The following GPR158 variants were observed in gnomAD, a reference collection of about 807,000 sequenced individuals.
GPR158 encodes metabotropic glycine receptor.
In GPR158, 30 loss-of-function variants were observed where a neutral mutation model predicts 78.2. The observed-to-expected ratio is 0.38, with a 90% confidence interval of 0.29 to 0.52. The LOEUF (loss-of-function observed/expected upper bound fraction) is 0.52, where lower values mean the gene tolerates loss of function less well. GPR158 is among the 20% of genes least tolerant of loss of function. The pLI is 0.83. For synonymous variants in GPR158, 581 were observed against 591.1 expected, an observed-to-expected ratio of 0.98 and a Z score of 0.25; for missense variants, 1,463 against 1,523.5, an observed-to-expected ratio of 0.96 and a Z score of 0.66.
intron 6 of GPR158, among the ~76,000 whole-genome samples, chr10:25,557,904 CA>C (rs1836806088): frequency 6.6e-6 from 1 of 152,092 alleles, no homozygotes; most frequent in African/African-American, 2.4e-5. Flanking sequence ...GAATGTAGTT[CA>C]CTCAGAACTA....
At chr10:25,552,662 G>C (rs775190637) in intron 6 of GPR158, among the ~76,000 whole-genome samples, 3 of 152,194 alleles carry the variant, frequency 2.0e-5, no homozygotes, top group Non-Finnish European at 2.9e-5. Flanking sequence ...CATATGAGTA[G>C]ATGAGTGAAT....
At chr10:25,260,110 GC>G (rs1282037502) in intron 2 of GPR158, among the ~76,000 whole-genome samples, 1 of 151,980 alleles carries the variant, frequency 6.6e-6, no homozygotes, top group African/African-American at 2.4e-5. Flanking sequence ...TATTTTCCCT[GC>G]TTTTTAAAGA....
At chr10:25,179,437 A>G (rs1052774856) in intron 1 of GPR158, among the ~76,000 whole-genome samples, 4 of 152,214 alleles carry the variant, frequency 2.6e-5, no homozygotes, top group Admixed American at 6.5e-5. Flanking sequence ...TCTTACTTAC[A>G]AGATTCAGAC....
chr10:25,197,861 T>G (rs536962585), intron 1 of GPR158, among the ~76,000 whole-genome samples: 3 of 152,178 alleles, frequency 2.0e-5, no homozygotes, highest in Non-Finnish European at 4.4e-5. Flanking sequence ...AGTGACCTCC[T>G]TGCACTGGGT....
intron 1 of GPR158, among the ~76,000 whole-genome samples, chr10:25,185,298 CTATT>C (rs999668291): frequency 1.1e-4 from 16 of 152,186 alleles, no homozygotes; most frequent in Admixed American, 7.8e-4. Context: ...GATTACATGT[CTATT>C]TATTTATTTA....
chr10:25,400,948 G>A (rs1020937915), intron 3 of GPR158, among the ~76,000 whole-genome samples: 1 of 152,166 alleles, frequency 6.6e-6, no homozygotes, highest in African/African-American at 2.4e-5. Context: ...GAGACATAAA[G>A]AGTATGCAGT....
intron 4 of GPR158, among the ~76,000 whole-genome samples, chr10:25,450,975 GTGT>G (rs1277418106): frequency 2.5e-5 from 2 of 78,472 alleles, no homozygotes; most frequent in East Asian, 0.013. Flanking sequence ...GTCTATATAT[GTGT>G]TTTTTTTTTA....
chr10:25,580,920 TTTA>T (rs141868214), intron 7 of GPR158, among the ~76,000 whole-genome samples: 3 of 80,172 alleles, frequency 3.7e-5, no homozygotes, highest in South Asian at 8.0e-4. Flanking sequence ...TTTATTTTAT[TTTA>T]TTTTATTTTT....
At chr10:25,193,441 A>G (rs1852800727) in intron 1 of GPR158, among the ~76,000 whole-genome samples, 1 of 152,138 alleles carries the variant, frequency 6.6e-6, no homozygotes, top group East Asian at 1.9e-4. Flanking sequence ...AAGAACAAAG[A>G]CCTCGAGATG....
intron 4 of GPR158, among the ~76,000 whole-genome samples, chr10:25,459,059 T>C (rs1459226487): frequency 6.6e-6 from 1 of 152,218 alleles, no homozygotes; most frequent in Non-Finnish European, 1.5e-5. Flanking sequence ...TCCATTTATG[T>C]AATTGTTAAT....
At chr10:25,179,351 C>T (rs1314503846) in intron 1 of GPR158, among the ~76,000 whole-genome samples, 2 of 151,876 alleles carry the variant, frequency 1.3e-5, no homozygotes, top group East Asian at 3.9e-4. Context: ...ACAGAAAATC[C>T]ATTGATAATG....
chr10:25,532,727 G>A (rs566370906), intron 5 of GPR158, among the ~76,000 whole-genome samples: 12 of 133,582 alleles, frequency 9.0e-5, no homozygotes, highest in Non-Finnish European at 1.6e-4. Flanking sequence ...TTACAAAAGT[G>A]ACACATTTGT....
At chr10:25,250,562 C>T (rs1241714847) in intron 2 of GPR158, among the ~76,000 whole-genome samples, 2 of 147,024 alleles carry the variant, frequency 1.4e-5, no homozygotes, top group East Asian at 2.0e-4. Flanking sequence ...GCCTTCATTT[C>T]GTTATGTACC....
At chr10:25,216,803 T>C (rs113229798) in intron 1 of GPR158, among the ~76,000 whole-genome samples, 1,977 of 152,234 alleles carry the variant, frequency 0.013, 46 homozygotes, top group African/African-American at 0.046. Flanking sequence ...ATTTCAGGTA[T>C]AAAGACGTCT....
intron 5 of GPR158, among the ~76,000 whole-genome samples, chr10:25,534,245 T>C (rs1355968883): frequency 6.6e-6 from 1 of 152,190 alleles, no homozygotes; most frequent in East Asian, 1.9e-4. Context: ...ATTTAGGGTT[T>C]CCAAAAGTAG....
intron 4 of GPR158, among the ~76,000 whole-genome samples, chr10:25,448,715 T>C (rs1835173931): frequency 6.6e-6 from 1 of 152,212 alleles, no homozygotes; most frequent in Non-Finnish European, 1.5e-5. Context: ...GGTTGTACCA[T>C]TTTAAATTCC....
At chr10:25,501,356 C>T (rs1169374849) in intron 5 of GPR158, among the ~76,000 whole-genome samples, 1 of 152,180 alleles carries the variant, frequency 6.6e-6, no homozygotes, top group African/African-American at 2.4e-5. Context: ...CCGTCTTTAT[C>T]AAAGGTCTCT....
At chr10:25,338,678 CAGT>C (rs1274193879) in intron 2 of GPR158, among the ~76,000 whole-genome samples, 1 of 141,118 alleles carries the variant, frequency 7.1e-6, no homozygotes, top group Non-Finnish European at 1.6e-5. Context: ...CAATACATCA[CAGT>C]AGTAGTCTGT....
chr10:25,596,530 G>C, intron 9 of GPR158, 113 bp from the exon 10 acceptor site: 1 of 684,332 alleles, frequency 1.5e-6, no homozygotes, highest in Non-Finnish European at 2.5e-6. Flanking sequence ...TAGATAGATA[G>C]ATCTAGGTAT....
Sources: gnomAD v4.1 joint callset for allele counts (sites outside exome capture counted in the v4.1 genomes callset) on GRCh38, gnomAD v4.1.1 for gene constraint, MANE v1.5 for transcripts, NCBI Gene and HGNC (gene_info 2026-07-23, HGNC 2026-07-21) for gene names.